GABBR2: variants seen among roughly 807,000 people sequenced by gnomAD.
GABBR2 encodes the protein gamma-aminobutyric acid type B receptor subunit 2.
In GABBR2, 23 loss-of-function variants were observed where a neutral mutation model predicts 105.6. The ratio of observed to expected loss-of-function variants is 0.22; its 90% CI spans 0.16 to 0.31. The LOEUF is 0.31. GABBR2 is among the 10% of genes least tolerant of loss of function. The probability of loss-of-function intolerance (pLI) is 1.00; values close to 1 mark genes in which losing one functional copy is unlikely to be tolerated. For missense variants in GABBR2, 734 were observed against 1,245.5 expected, an observed-to-expected ratio of 0.59 and a Z score of 6.18; for synonymous variants, 478 against 499.7, an observed-to-expected ratio of 0.96 and a Z score of 0.58.
chr9:98,308,757 G>C (rs1423195311), intron 14 of GABBR2, among the ~76,000 whole-genome samples: 1 of 152,198 alleles, frequency 6.6e-6, no homozygotes, highest in Non-Finnish European at 1.5e-5. Flanking sequence ...GGGACCACAA[G>C]TGTCTGTCTG....
chr9:98,397,614 T>A (rs1356493403), intron 8 of GABBR2, among the ~76,000 whole-genome samples: 1 of 152,120 alleles, frequency 6.6e-6, no homozygotes, highest in Non-Finnish European at 1.5e-5. Context: ...CCAAGAAATA[T>A]CTTCATATTT....
chr9:98,574,061 G>C (rs760109212), intron 2 of GABBR2, among the ~76,000 whole-genome samples: 15 of 152,214 alleles, frequency 9.9e-5, no homozygotes, highest in Non-Finnish European at 1.3e-4. Context: ...CATCACAGAG[G>C]AAGTGGTATC....
chr9:98,612,270 T>C (rs1034089210), intron 1 of GABBR2, among the ~76,000 whole-genome samples: 2 of 152,192 alleles, frequency 1.3e-5, no homozygotes, highest in African/African-American at 4.8e-5. Context: ...ATATGGGGGC[T>C]GGGGCAGAAA....
At chr9:98,483,094 C>T (rs1826962778) in intron 4 of GABBR2, among the ~76,000 whole-genome samples, 1 of 152,168 alleles carries the variant, frequency 6.6e-6, no homozygotes, top group Non-Finnish European at 1.5e-5. Flanking sequence ...TCCAGCGCAA[C>T]ATGTCCCAAG....
chr9:98,628,476 T>C (rs983382815), intron 1 of GABBR2, among the ~76,000 whole-genome samples: 14 of 152,198 alleles, frequency 9.2e-5, no homozygotes, highest in Admixed American at 9.2e-4. Flanking sequence ...CGGGGCACCA[T>C]TTGGCTGCAA....
chr9:98,702,577 G>A (rs150788220), intron 1 of GABBR2, among the ~76,000 whole-genome samples: 56 of 152,226 alleles, frequency 3.7e-4, no homozygotes, highest in African/African-American at 1.2e-3. Context: ...ATTCAAGGCC[G>A]TCCACGCCCA....
At chr9:98,576,992 A>ATGGG (rs1035277978) in intron 2 of GABBR2, among the ~76,000 whole-genome samples, 1 of 146,010 alleles carries the variant, frequency 6.8e-6, no homozygotes, top group Non-Finnish European at 1.5e-5. Flanking sequence ...GGATGGATGT[A>ATGGG]TGGGTGGATG....
intron 4 of GABBR2, among the ~76,000 whole-genome samples, chr9:98,486,767 C>A (rs1827061886): frequency 3.3e-5 from 5 of 152,248 alleles, no homozygotes; most frequent in Admixed American, 3.3e-4. Flanking sequence ...TTCGGAAGCC[C>A]AGGCCAGTCC....
At chr9:98,639,083 G>A (rs1829922156) in intron 1 of GABBR2, among the ~76,000 whole-genome samples, 1 of 152,126 alleles carries the variant, frequency 6.6e-6, no homozygotes, top group Admixed American at 6.6e-5. Context: ...ACTTAGTTTG[G>A]TCCAGGAACA....
At chr9:98,409,198 T>A (rs1832542224) in intron 7 of GABBR2, among the ~76,000 whole-genome samples, 1 of 152,232 alleles carries the variant, frequency 6.6e-6, no homozygotes, top group African/African-American at 2.4e-5. Flanking sequence ...CCAGGTCACA[T>A]TGCCCCCAGA....
intron 7 of GABBR2, among the ~76,000 whole-genome samples, chr9:98,427,696 T>G (rs1825722940): frequency 6.6e-6 from 1 of 151,660 alleles, no homozygotes; most frequent in Non-Finnish European, 1.5e-5. Context: ...TCAGTTGTTT[T>G]CTTTTGGATT....
chr9:98,571,616 G>T (rs963301292), intron 2 of GABBR2, among the ~76,000 whole-genome samples: 3 of 152,158 alleles, frequency 2.0e-5, no homozygotes, highest in Admixed American at 2.0e-4. Flanking sequence ...CCTAGAATTT[G>T]CACTGTTACC....
intron 13 of GABBR2, among the ~76,000 whole-genome samples, chr9:98,361,176 G>C (rs1435459498): frequency 6.6e-6 from 1 of 152,212 alleles, no homozygotes; most frequent in Non-Finnish European, 1.5e-5. Flanking sequence ...GGTGTTGAAA[G>C]GCAGGGTTAG....
chr9:98,391,111 T>C (rs1182115782), intron 9 of GABBR2, among the ~76,000 whole-genome samples: 1 of 152,160 alleles, frequency 6.6e-6, no homozygotes, highest in African/African-American at 2.4e-5. Context: ...CAATTAATAA[T>C]CAACTCCCAT....
chr9:98,417,464 T>C (rs913700834), intron 7 of GABBR2, among the ~76,000 whole-genome samples: 1 of 152,158 alleles, frequency 6.6e-6, no homozygotes, highest in Non-Finnish European at 1.5e-5. Context: ...TTCTTTACAA[T>C]TAAACCAGAA....
chr9:98,389,141 C>A, intron 9 of GABBR2, 137 bp from the exon 10 acceptor site: 2 of 665,058 alleles, frequency 3.0e-6, no homozygotes, highest in South Asian at 2.3e-5. Flanking sequence ...ACCGGGTGAG[C>A]CAGATCCGGT....
chr9:98,689,225 T>G (rs1830655983), intron 1 of GABBR2, among the ~76,000 whole-genome samples: 1 of 152,208 alleles, frequency 6.6e-6, no homozygotes, highest in Admixed American at 6.5e-5. Context: ...AAGACAGTGG[T>G]GTATAACGTT....
intron 6 of GABBR2, among the ~76,000 whole-genome samples, chr9:98,472,011 T>C (rs1181548833): frequency 1.3e-5 from 2 of 152,234 alleles, no homozygotes; most frequent in African/African-American, 2.4e-5. Flanking sequence ...TGCCATTTCT[T>C]GACAAATCGA....
intron 13 of GABBR2, among the ~76,000 whole-genome samples, chr9:98,317,374 C>T (rs1225900405): frequency 1.3e-5 from 2 of 152,346 alleles, no homozygotes; most frequent in Admixed American, 6.5e-5. Context: ...AATGCAATTA[C>T]TCACAATGTA....
Sources: allele counts gnomAD v4.1 joint callset (sites outside exome capture counted in the v4.1 genomes callset), GRCh38; gene constraint gnomAD v4.1.1; transcripts MANE v1.5; gene names NCBI Gene and HGNC (gene_info 2026-07-23, HGNC 2026-07-21).